Variants in CSMD3 observed in about 807,000 individuals in gnomAD.
The protein encoded by CSMD3 is CUB and sushi domain-containing protein 3.
In CSMD3, 177 loss-of-function variants were observed where a neutral mutation model predicts 435.2. The observed-to-expected ratio is 0.41, with a 90% CI of 0.36 to 0.46. The LOEUF (loss-of-function observed/expected upper bound fraction) is 0.46. Among genes scored for constraint, CSMD3 ranks in the 20% least tolerant of loss-of-function variants. CSMD3 has a pLI of 0.34. For synonymous variants in CSMD3, 1,656 were observed against 1,520.5 expected (o/e 1.09, Z -2.07); for missense variants, 4,265 against 4,504.6 (o/e 0.95, Z 1.52).
At chr8:112,377,484 T>C (rs533676579) in intron 38 of CSMD3, among the ~76,000 whole-genome samples, 54 of 152,140 alleles carry the variant, frequency 3.5e-4, no homozygotes, top group Middle Eastern at 3.4e-3. Context: ...GGAAAATATG[T>C]CCAAACTTGT....
chr8:112,685,860 A>G (rs914355849), intron 14 of CSMD3, 128 bp from the exon 15 acceptor site: 6 of 673,806 alleles, frequency 8.9e-6, no homozygotes, highest in African/African-American at 1.8e-5. Context: ...TGTAAATTAT[A>G]AAACAGAACA....
chr8:112,997,879 T>C (rs796748195), intron 6 of CSMD3, among the ~76,000 whole-genome samples: 39 of 137,826 alleles, frequency 2.8e-4, no homozygotes, highest in Middle Eastern at 4.0e-3. Context: ...TATATATATA[T>C]ACATATATAT....
intron 31 of CSMD3, among the ~76,000 whole-genome samples, chr8:112,474,557 G>A (rs1818853725): frequency 6.6e-6 from 1 of 152,216 alleles, no homozygotes; most frequent in East Asian, 1.9e-4. Context: ...ATCAGTAGTG[G>A]CTTACCTCTG....
intron 23 of CSMD3, among the ~76,000 whole-genome samples, chr8:112,578,617 A>G (rs1400496737): frequency 1.3e-5 from 2 of 152,040 alleles, no homozygotes; most frequent in Admixed American, 1.3e-4. Flanking sequence ...ACAACAAACA[A>G]AAAACTGCTA....
chr8:113,348,549 T>A (rs1305022918), intron 1 of CSMD3, among the ~76,000 whole-genome samples: 1 of 152,138 alleles, frequency 6.6e-6, no homozygotes, highest in African/African-American at 2.4e-5. Context: ...CAAAAAGATG[T>A]ATTGATTATC....
Position 113,093,578 on chromosome 8 carries a change from G to A in CSMD3, c.917+5178C>T, listed in dbSNP as rs555769787. ...TGGGTAAGCTAGTTTAATAGTAATCGATTAGGGAGCAAAAATTGATGGTAT... is the reference window on the plus strand; with the variant it reads ...TGGGTAAGCTAGTTTAATAGTAATCAATTAGGGAGCAAAAATTGATGGTAT... On this transcript the variant is annotated intron_variant, in intron 5 of 70. Coordinates refer to ENST00000297405, the MANE Select transcript of CSMD3 (RefSeq NM_198123.2). Among the ~76,000 whole-genome samples, 15 of 152,092 alleles carry A rather than the reference G, an allele frequency of 9.9e-5. No individual in the cohort carries two copies. The South Asian group carries it at 2.5e-3, about 25-fold the overall frequency.
chr8:112,554,469 C>T (rs1327179057), intron 25 of CSMD3, among the ~76,000 whole-genome samples: 1 of 151,790 alleles, frequency 6.6e-6, no homozygotes, highest in African/African-American at 2.4e-5. Context: ...TGTATTAATT[C>T]ATTTTTCATC....
intron 27 of CSMD3, among the ~76,000 whole-genome samples, chr8:112,525,210 C>G (rs1824744086): frequency 6.6e-6 from 1 of 151,530 alleles, no homozygotes; most frequent in Non-Finnish European, 1.5e-5. Flanking sequence ...ATTTTAACTT[C>G]TTTTCAGAAT....
intron 38 of CSMD3, among the ~76,000 whole-genome samples, chr8:112,379,738 A>C (rs1270042807): frequency 6.6e-6 from 1 of 152,164 alleles, no homozygotes; most frequent in Non-Finnish European, 1.5e-5. Flanking sequence ...GAAGAACAAA[A>C]CTGTTGGGGT....
At chr8:113,097,092 A>C (rs2090187091) in intron 5 of CSMD3, among the ~76,000 whole-genome samples, 1 of 152,042 alleles carries the variant, frequency 6.6e-6, no homozygotes. Context: ...ATAACATCCA[A>C]GGTTTCTCTT....
intron 13 of CSMD3, among the ~76,000 whole-genome samples, chr8:112,771,336 C>T (rs575437166): frequency 2.0e-5 from 3 of 151,828 alleles, no homozygotes; most frequent in South Asian, 2.1e-4. Flanking sequence ...GCCAGGAGTT[C>T]GAAATAAGCC....
At chr8:112,489,898 A>G (rs1820518835) in intron 31 of CSMD3, among the ~76,000 whole-genome samples, 1 of 152,202 alleles carries the variant, frequency 6.6e-6, no homozygotes, top group South Asian at 2.1e-4. Context: ...AACTGATGGT[A>G]ACAATTATCT....
rs543500376 is a variant in CSMD3 at position 112,372,810 on chromosome 8, T to C, written c.6136+7542A>G. Among the ~76,000 whole-genome samples the C allele has an allele frequency of 2.6e-5, 4 of 151,220 alleles. No homozygotes were observed. The South Asian group carries it at 8.3e-4, about 32-fold the overall frequency. ...CTTGCAGTGAGCCGAGATAGTGCCA[T>C]TGCACTCCAGCCTGGGTGACAGAGC... On this transcript the variant is annotated intron_variant, in intron 38 of 70. Transcript: ENST00000297405.
rs77977259 is a variant in CSMD3, at chr8:112,981,015, G to A, written c.1031-4867C>T. 2.3e-4 allele frequency among the ~76,000 whole-genome samples: 35 copies of A among 151,338 alleles called. No individual in the cohort carries two copies. The East Asian group carries it at 5.6e-3, about 24-fold the overall frequency. ...AGTATAAAAATATCTTTCTGACTAG[G>A]AGAATTTTAAGTAAATCCTGGAAAA... On this transcript the variant is annotated intron_variant, in intron 6 of 70. Coordinates refer to ENST00000297405, the MANE Select transcript of CSMD3 (RefSeq NM_198123.2).
chr8:112,234,528 C>T (rs1306008246), intron 67 of CSMD3, 51 bp from the exon 68 acceptor site: 2 of 956,206 alleles, frequency 2.1e-6, no homozygotes, highest in Admixed American at 1.7e-5. Context: ...AATAGTTATA[C>T]TTCATTTTAT....
chr8:112,871,305 G>A (rs1015077784), intron 10 of CSMD3, among the ~76,000 whole-genome samples: 10 of 152,064 alleles, frequency 6.6e-5, no homozygotes, highest in Non-Finnish European at 1.5e-4. Flanking sequence ...ATATTAACTT[G>A]AACAGAAAAT....
chr8:112,832,760 C>T (rs1208708850), intron 11 of CSMD3, among the ~76,000 whole-genome samples: 2 of 152,132 alleles, frequency 1.3e-5, no homozygotes, highest in Non-Finnish European at 2.9e-5. Flanking sequence ...GCCCAGACTC[C>T]TTTCCTGTGG....
At chr8:113,415,400 A>G (rs2094577466) in intron 1 of CSMD3, among the ~76,000 whole-genome samples, 1 of 152,212 alleles carries the variant, frequency 6.6e-6, no homozygotes, top group African/African-American at 2.4e-5. Context: ...AGGCCTGTAC[A>G]AAGAAGGCTA....
chr8:113,299,734 C>G (rs2093749799), intron 2 of CSMD3, among the ~76,000 whole-genome samples: 1 of 152,102 alleles, frequency 6.6e-6, no homozygotes, highest in South Asian at 2.1e-4. Flanking sequence ...GTGGCTCATG[C>G]CTGTAATCCT....
Sources: allele counts gnomAD v4.1 joint callset (sites outside exome capture counted in the v4.1 genomes callset), GRCh38; gene constraint gnomAD v4.1.1; transcripts MANE v1.5; gene names NCBI Gene and HGNC (gene_info 2026-07-23, HGNC 2026-07-21).